The following UBE2E2 variants were observed in gnomAD, a reference collection of about 807,000 sequenced individuals.
UBE2E2 encodes ubiquitin-conjugating enzyme E2 E2.
A neutral mutation model predicts 24.7 loss-of-function variants in UBE2E2; 6 were observed. That is an observed-to-expected ratio of 0.24 (90% confidence interval 0.13 to 0.48). The LOEUF is 0.48. Among genes scored for constraint, UBE2E2 ranks in the 20% least tolerant of loss-of-function variants. The pLI is 0.99. For missense variants in UBE2E2, 169 were observed against 245.0 expected, an observed-to-expected ratio of 0.69 and a Z score of 2.07; for synonymous variants, 104 against 83.6, an observed-to-expected ratio of 1.24 and a Z score of -1.33.
chr3:23,402,709 TA>T (rs1270263565), intron 3 of UBE2E2, among the ~76,000 whole-genome samples: 2 of 152,178 alleles, frequency 1.3e-5, no homozygotes, highest in Non-Finnish European at 2.9e-5. Flanking sequence ...ATACTCTAGT[TA>T]TATGTTTTAA....
intron 5 of UBE2E2, among the ~76,000 whole-genome samples, chr3:23,553,266 G>A (rs567718791): frequency 1.3e-5 from 2 of 151,960 alleles, no homozygotes; most frequent in South Asian, 4.2e-4. Context: ...AAAACAAAAT[G>A]CTATATTAAG....
At chr3:23,343,130 A>C (rs1695446826) in intron 3 of UBE2E2, among the ~76,000 whole-genome samples, 2 of 152,130 alleles carry the variant, frequency 1.3e-5, no homozygotes, top group African/African-American at 4.8e-5. Context: ...ATACATATAC[A>C]AACTACATTT....
At chr3:23,409,592 T>C (rs778317160) in intron 3 of UBE2E2, among the ~76,000 whole-genome samples, 2 of 152,196 alleles carry the variant, frequency 1.3e-5, no homozygotes, top group Non-Finnish European at 2.9e-5. Context: ...GCATTCTTTG[T>C]ACTATTACTG....
rs1696730678 is a variant in UBE2E2 at position 23,590,256 on chromosome 3, C to G, written c.*425C>G. ...TATGTGATCTTTGGGAAAACACATT[C>G]AGAATTATATCTCGTTTCTACTTAA... is the stretch of plus-strand genomic sequence containing the variant. On this transcript the variant is annotated 3_prime_UTR_variant, in exon 6 of 6. Coordinates refer to ENST00000396703, the MANE Select transcript of UBE2E2 (RefSeq NM_152653.4). The G allele has an allele frequency of 6.3e-6, 1 of 159,756 alleles. No individual in the cohort carries two copies. The allele number at this position is 159,756 out of a possible 1,614,324, so 9.9% of individuals were successfully genotyped here. A position where few individuals can be genotyped will look rare whatever the true frequency, so the allele number is the denominator to read the frequency against.
rs565537724 is a variant in UBE2E2 at position 23,225,501 on chromosome 3, A to T, written c.227+8189A>T. Among the ~76,000 whole-genome samples, 3 of 152,218 alleles carry T rather than the reference A, an allele frequency of 2.0e-5. No homozygotes were observed. In the South Asian group the frequency reaches 6.2e-4, roughly 32 times the overall value. On this transcript the variant is annotated intron_variant, in intron 3 of 5. Coordinates refer to ENST00000396703, the MANE Select transcript of UBE2E2 (RefSeq NM_152653.4). ...TGGTATGAGATTAGAGTCCAATTTCATTCCTTTTGGCTTGTGTAGACCCAG... is the reference window on the plus strand; with the variant it reads ...TGGTATGAGATTAGAGTCCAATTTCTTTCCTTTTGGCTTGTGTAGACCCAG...
At chr3:23,450,606 C>A (rs1307173664) in intron 3 of UBE2E2, among the ~76,000 whole-genome samples, 2 of 152,096 alleles carry the variant, frequency 1.3e-5, no homozygotes, top group Non-Finnish European at 2.9e-5. Context: ...TATTCACCAA[C>A]ATTGCCCTTA....
intron 3 of UBE2E2, among the ~76,000 whole-genome samples, chr3:23,376,600 T>C (rs778823728): frequency 1.9e-4 from 29 of 152,298 alleles, no homozygotes; most frequent in Middle Eastern, 3.4e-3. Context: ...GTCAAGCCTA[T>C]AGAGAAACTG....
intron 3 of UBE2E2, among the ~76,000 whole-genome samples, chr3:23,475,868 A>C (rs575488363): frequency 4.6e-5 from 7 of 152,206 alleles, no homozygotes; most frequent in African/African-American, 1.7e-4. Context: ...TACCATCAAG[A>C]TTGCTTTGAT....
intron 3 of UBE2E2, among the ~76,000 whole-genome samples, chr3:23,229,926 C>T (rs956274383): frequency 2.0e-5 from 3 of 152,164 alleles, no homozygotes; most frequent in African/African-American, 7.2e-5. Flanking sequence ...TAAGGTTAAA[C>T]TTATAAGTAT....
chr3:23,531,508 T>A (rs1695122443), intron 4 of UBE2E2, among the ~76,000 whole-genome samples: 1 of 152,212 alleles, frequency 6.6e-6, no homozygotes, highest in Non-Finnish European at 1.5e-5. Flanking sequence ...TCAGTTGAAG[T>A]GTTTTACAAA....
intron 3 of UBE2E2, among the ~76,000 whole-genome samples, chr3:23,310,518 T>C (rs754498258): frequency 1.3e-5 from 2 of 151,930 alleles, no homozygotes; most frequent in Admixed American, 6.6e-5. Context: ...TGGAGAAGAA[T>C]GGGGAATGAA....
intron 3 of UBE2E2, among the ~76,000 whole-genome samples, chr3:23,484,978 T>C (rs1699331208): frequency 6.6e-6 from 1 of 152,046 alleles, no homozygotes; most frequent in African/African-American, 2.4e-5. Context: ...TATCAGTGGG[T>C]AACTACTGAA....
intron 5 of UBE2E2, among the ~76,000 whole-genome samples, chr3:23,571,831 C>T (rs1374589451): frequency 6.6e-6 from 1 of 152,114 alleles, no homozygotes; most frequent in Non-Finnish European, 1.5e-5. Flanking sequence ...AAAGGAAAGC[C>T]ATCTTTTGGA....
At chr3:23,217,917 T>C (rs1432916607) in intron 3 of UBE2E2, among the ~76,000 whole-genome samples, 3 of 152,122 alleles carry the variant, frequency 2.0e-5, no homozygotes, top group African/African-American at 4.8e-5. Context: ...TAAAGATACA[T>C]GGACAAAGAG....
At chr3:23,284,927 TTTTCATTTTTC>T (rs1385111895) in intron 3 of UBE2E2, among the ~76,000 whole-genome samples, 4 of 147,440 alleles carry the variant, frequency 2.7e-5, no homozygotes, top group Admixed American at 2.0e-4. Flanking sequence ...ATTCATTTTT[TTTTCATTTTTC>T]TATAGCTTCT....
At chr3:23,516,178 A>G (rs745643108) in intron 4 of UBE2E2, among the ~76,000 whole-genome samples, 18 of 152,224 alleles carry the variant, frequency 1.2e-4, no homozygotes, top group Non-Finnish European at 2.5e-4. Context: ...TTTAAGAACA[A>G]CTTTTTTCCC....
At chr3:23,228,443 C>T (rs1696882056) in intron 3 of UBE2E2, among the ~76,000 whole-genome samples, 1 of 152,076 alleles carries the variant, frequency 6.6e-6, no homozygotes, top group South Asian at 2.1e-4. Flanking sequence ...ATATTACTCT[C>T]CAACATGTAA....
chr3:23,512,441 A>ATCTCCTG (rs1694620922), intron 4 of UBE2E2, among the ~76,000 whole-genome samples: 1 of 92,288 alleles, frequency 1.1e-5, no homozygotes. Context: ...GCTGATCTCA[A>ATCTCCTG]ACTCCTGAGC....
chr3:23,560,279 G>A (rs188340793), intron 5 of UBE2E2, among the ~76,000 whole-genome samples: 2,732 of 134,656 alleles, frequency 0.02, 48 homozygotes, highest in Middle Eastern at 0.055. Context: ...ATGTGTTCTC[G>A]TTGTTCAATT....
Sources: gnomAD v4.1 joint callset for allele counts (sites outside exome capture counted in the v4.1 genomes callset) on GRCh38, gnomAD v4.1.1 for gene constraint, MANE v1.5 for transcripts, NCBI Gene and HGNC (gene_info 2026-07-23, HGNC 2026-07-21) for gene names.